ACAP3: variants seen among roughly 807,000 people sequenced by gnomAD.
ACAP3 encodes arf-GAP with coiled-coil, ANK repeat and PH domain-containing protein 3.
Under a neutral mutation model 104.1 loss-of-function variants are expected in ACAP3, and 56 were observed. That is an observed-to-expected ratio of 0.54 (90% CI 0.43 to 0.67). The LOEUF (loss-of-function observed/expected upper bound fraction) is 0.67, where lower values mean the gene tolerates loss of function less well. Ranked by LOEUF, ACAP3 falls within the 30% of genes least tolerant of loss-of-function variation. The pLI is 0.00. For synonymous variants in ACAP3, 628 were observed against 496.2 expected (o/e 1.27, Z -3.53); for missense variants, 1,208 against 1,174.9 (o/e 1.03, Z -0.41).
rs1641558806 is a variant in ACAP3 at position 1,303,782 on chromosome 1, C to A, written c.105+304G>T. On this transcript the variant is annotated intron_variant, in intron 2 of 23. Transcript: ENST00000354700. This position sits in a 1 kb window ranked among gnomAD's most constrained non-coding sequence, Gnocchi z 4.0. ...GCCCCAGCCACACCAAGGCTCAGCC[C>A]ACACAGCAGCTGTCCCCGTGTCACC... 2 of 517,734 alleles carry A rather than the reference C, an allele frequency of 3.9e-6. No homozygotes were observed. Among genetic ancestry groups the A allele is most frequent in the Non-Finnish European group, 3.5e-6 (1 of 288,146 alleles). 32.1% of individuals were successfully genotyped at this position (517,734 alleles called of 1,614,324 possible).
Position 1,296,115 on chromosome 1 carries a change from G to A in ACAP3, c.1408-6C>T, listed in dbSNP as rs571161059. 41 of 1,612,626 alleles carry A rather than the reference G, an allele frequency of 2.5e-5. No homozygotes were observed. In the East Asian group the frequency reaches 2.9e-4, roughly 11 times the overall value. ...TTTCCAAGCTCACACATCAGCTAGC[G>A]GGAGACAGGGCGAGCAGGCATCAGT... On this transcript the variant is annotated splice_polypyrimidine_tract_variant and splice_region_variant and intron_variant, in intron 16 of 23. Coordinates refer to ENST00000354700, the MANE Select transcript of ACAP3 (RefSeq NM_030649.3).
Position 1,303,534 on chromosome 1 carries a change from C to T in ACAP3, c.106-253G>A. On this transcript the variant is annotated intron_variant, in intron 2 of 23. Coordinates refer to ENST00000354700, the MANE Select transcript of ACAP3 (RefSeq NM_030649.3). The surrounding 1 kb of genome is among the most constrained non-coding windows in gnomAD (Gnocchi z 4.0). Reference sequence around the variant, plus strand: ...CAGGAGCCAGGCAGGGGACCCAGGGCCAGCAGGACCAGCAGAACCAGCCCA... The same window carrying T: ...CAGGAGCCAGGCAGGGGACCCAGGGTCAGCAGGACCAGCAGAACCAGCCCA... The T allele has an allele frequency of 1.7e-6, 1 of 577,800 alleles. No homozygotes were observed. The highest frequency in any genetic ancestry group is 3.1e-6 in the Non-Finnish European group (1 of 327,286). 35.8% of individuals were successfully genotyped at this position (577,800 alleles called of 1,614,324 possible).
chr1:1,300,782 GTTT>G, intron 5 of ACAP3, 90 bp from the exon 6 acceptor site: 1 of 1,428,678 alleles, frequency 7.0e-7, no homozygotes. Flanking sequence ...TGTGTTTTTT[GTTT>G]TTTGAGACGG....
rs1213616375 is a variant in ACAP3, at chr1:1,302,035, G to C, written c.291C>G (p.Asp97Glu). 1.3e-6 allele frequency: 2 copies of C among 1,559,544 alleles called. No homozygotes were observed. The highest frequency in any genetic ancestry group is 1.4e-5 in the African/African-American group (1 of 72,644). ...GCTGCCGCACGGACCTCTGGGCCTGGTCAAACAGGATCTGGGGGCAGAGGC... is the reference window on the plus strand; with the variant it reads ...GCTGCCGCACGGACCTCTGGGCCTGCTCAAACAGGATCTGGGGGCAGAGGC... Reference protein sequence around the residue: ...EVVNYHMILFDQAQRSVRQQL... With the variant: ...EVVNYHMILFEQAQRSVRQQL... The change falls in exon 5 of 24, where the codon GAC becomes GAG. Residue 97 changes from aspartate to glutamate, a missense_variant. By Grantham distance (45) the Asp-to-Glu change is conservative. Transcript: ENST00000354700.
intron 10 of ACAP3, chr1:1,298,935 C>T (rs890441000): frequency 3.5e-6 from 2 of 566,910 alleles, no homozygotes; most frequent in African/African-American, 3.8e-5. Context: ...CCACCCCAGC[C>T]CTGCAGGGAC....
At position 1,295,740 on chromosome 1, in the gene ACAP3, G is replaced by GGAC. The variant is rs749845331; in HGVS notation, c.1698_1700dup (p.Ser568dup). The GGAC allele has an allele frequency of 6.2e-7, 1 of 1,601,842 alleles. No individual in the cohort carries two copies. Among genetic ancestry groups the GGAC allele is most frequent in the East Asian group, 2.2e-5 (1 of 44,734 alleles). ...TGCCGGGGCATGGCCTCCCACCTGA[G>GGAC]GACAGAGCGGCCACACAGGGCAGAA... On this transcript the variant is annotated inframe_insertion, in exon 18 of 24. Transcript: ENST00000354700.
At chr1:1,297,967 G>T (rs773039397) in intron 13 of ACAP3, 34 bp from the exon 14 acceptor site, 26 of 1,610,990 alleles carry the variant, frequency 1.6e-5, no homozygotes, top group South Asian at 9.9e-5. Context: ...GTCAGCTCCG[G>T]TGGGCAGGTA....
At chr1:1,307,487 G>A (rs183578089) in intron 1 of ACAP3, 1 of 1,263,508 alleles carries the variant, frequency 7.9e-7, no homozygotes, top group African/African-American at 1.5e-5. Flanking sequence ...TCAGCCCAGT[G>A]GAGGTGCAGA....
intron 9 of ACAP3, 165 bp downstream of exon 9, chr1:1,299,666 C>T: frequency 1.1e-6 from 1 of 869,770 alleles, no homozygotes; most frequent in East Asian, 2.7e-5. Flanking sequence ...TGCCCCTCCA[C>T]TGCACACATC....
Position 1,302,918 on chromosome 1 carries a change from T to A in ACAP3, c.279+4A>T, listed in dbSNP as rs747734818. The A allele has an allele frequency of 6.2e-7, 1 of 1,608,686 alleles. No individual in the cohort carries two copies. The highest frequency in any genetic ancestry group is 1.7e-5 in the Admixed American group (1 of 59,732). On this transcript the variant is annotated splice_donor_region_variant and intron_variant, in intron 4 of 23. Transcript: ENST00000354700. ...CCCACAGGTGGCAGGGAGGCCGCGC[T>A]CACCATGTGGTAGTTCACCACCTCC...
chr1:1,295,013 AG>A, intron 19 of ACAP3, 197 bp from the exon 20 acceptor site: 1 of 596,678 alleles, frequency 1.7e-6, no homozygotes, highest in South Asian at 2.1e-5. Flanking sequence ...CAAAGGTGCC[AG>A]GGGTAGCCCC....
chr1:1,302,803 C>CT (rs749150973), intron 4 of ACAP3, 119 bp downstream of exon 4: 4 of 329,412 alleles, frequency 1.2e-5, no homozygotes, highest in Non-Finnish European at 1.8e-5. Context: ...ATTCCCCCCC[C>CT]CCCCGACTAG....
intron 10 of ACAP3, 82 bp from the exon 11 acceptor site, chr1:1,298,761 G>A (rs1187683246): frequency 9.2e-6 from 10 of 1,083,570 alleles, no homozygotes; most frequent in Middle Eastern, 2.0e-4. Flanking sequence ...ACAGGTGGGG[G>A]TGAGGTCCTT....
At chr1:1,296,170 C>G (rs377421242) in intron 16 of ACAP3, 41 bp downstream of exon 16, 29 of 1,603,532 alleles carry the variant, frequency 1.8e-5, no homozygotes, top group Non-Finnish European at 2.5e-5. Flanking sequence ...CTCCCGCCCC[C>G]ACAAACGGGG....
At chr1:1,300,137 G>C (rs377126794) in intron 7 of ACAP3, 21 bp downstream of exon 7, 103 of 1,609,580 alleles carry the variant, frequency 6.4e-5, no homozygotes, top group Non-Finnish European at 6.2e-5. Flanking sequence ...CTGTGCTCAG[G>C]GGCAGCCCCC....
intron 22 of ACAP3, 38 bp from the exon 23 acceptor site, chr1:1,293,971 C>CG (rs1314738410): frequency 1.6e-6 from 1 of 624,210 alleles, no homozygotes; most frequent in Non-Finnish European, 2.7e-6. Flanking sequence ...CGGGGCGGGG[C>CG]GGGGCGGGGC....
intron 14 of ACAP3, among the ~76,000 whole-genome samples, 161 bp from the exon 15 acceptor site, chr1:1,296,794 GCC>G (rs376577103): frequency 2.1e-5 from 3 of 145,862 alleles, no homozygotes; most frequent in African/African-American, 7.4e-5. Context: ...TGGGCAGATG[GCC>G]CCCCCCTCGA....
At position 1,303,066 on chromosome 1, in the gene ACAP3, ACCGGCCTGCTTCTGGCCTGGACG is replaced by A; in HGVS notation, c.225+73_226-92del. The A allele has an allele frequency of 6.5e-7, 1 of 1,550,372 alleles. No homozygotes were observed. Among genetic ancestry groups the A allele is most frequent in the Non-Finnish European group, 8.7e-7 (1 of 1,146,176 alleles). On this transcript the variant is annotated intron_variant, in intron 3 of 23. Coordinates refer to ENST00000354700, the MANE Select transcript of ACAP3 (RefSeq NM_030649.3). The surrounding 1 kb of genome is among the most constrained non-coding windows in gnomAD (Gnocchi z 4.0). ...CTCTGAGCCCCTGGGCGGTGCAGAC[ACCGGCCTGCTTCTGGCCTGGACG>A]CCCTCAAGGGGCTGCCTCCCTCGGC... is the stretch of plus-strand genomic sequence containing the variant.
chr1:1,293,536 G>C lies in ACAP3; in HGVS notation c.*28C>G, dbSNP rs942009915. ...GGCATGCGGGGCGTCGGGCCGGGCGGGGTGGCAGCTGCCCGGCCTGCCCGG... is the reference window on the plus strand; with the variant it reads ...GGCATGCGGGGCGTCGGGCCGGGCGCGGTGGCAGCTGCCCGGCCTGCCCGG... On this transcript the variant is annotated 3_prime_UTR_variant, in exon 24 of 24. Coordinates refer to ENST00000354700, the MANE Select transcript of ACAP3 (RefSeq NM_030649.3). 4.2e-6 allele frequency: 6 copies of C among 1,441,660 alleles called. No homozygotes were observed. The highest frequency in any genetic ancestry group is 1.5e-5 in the African/African-American group (1 of 65,910). The allele number at this position is 1,441,660 out of a possible 1,614,324, so 89.3% of individuals were successfully genotyped here. A position where few individuals can be genotyped will look rare whatever the true frequency, so the allele number is the denominator to read the frequency against.
Sources: allele counts gnomAD v4.1 joint callset (sites outside exome capture counted in the v4.1 genomes callset), GRCh38; gene constraint gnomAD v4.1.1; non-coding constraint Gnocchi (gnomAD v3.1); transcripts MANE v1.5; gene names NCBI Gene and HGNC (gene_info 2026-07-23, HGNC 2026-07-21).